The following PSIP1 variants were observed in gnomAD, a reference collection of about 807,000 sequenced individuals.
The protein encoded by PSIP1 is PC4 and SFRS1-interacting protein.
A neutral mutation model predicts 74.7 loss-of-function variants in PSIP1; 19 were observed. The observed-to-expected ratio is 0.25, with a 90% CI of 0.18 to 0.37. The LOEUF (loss-of-function observed/expected upper bound fraction) is 0.37, where lower values mean the gene tolerates loss of function less well. Ranked by LOEUF, PSIP1 falls within the 10% of genes least tolerant of loss-of-function variation. PSIP1 has a pLI of 1.00. For synonymous variants in PSIP1, 222 were observed against 195.3 expected (o/e 1.14, Z -1.14); for missense variants, 601 against 614.3 (o/e 0.98, Z 0.23).
intron 9 of PSIP1, 27 bp downstream of exon 9, chr9:15,473,982 G>A (rs1158137594): frequency 2.0e-6 from 3 of 1,479,762 alleles, no homozygotes; most frequent in East Asian, 2.3e-5. Context: ...GAATAGAACA[G>A]CCATTTTATA....
At chr9:15,478,335 C>T in intron 8 of PSIP1, 142 bp downstream of exon 8, 1 of 686,390 alleles carries the variant, frequency 1.5e-6, no homozygotes, top group Non-Finnish European at 2.4e-6. Context: ...AAAATTTTCC[C>T]AGTTTTTCCT....
intron 6 of PSIP1, among the ~76,000 whole-genome samples, chr9:15,483,165 A>C (rs1298462432): frequency 6.6e-6 from 1 of 152,164 alleles, no homozygotes; most frequent in Admixed American, 6.5e-5. Context: ...CAGAGACTGC[A>C]TCTGTAACTT....
At chr9:15,496,231 T>C (rs554248828) in intron 3 of PSIP1, among the ~76,000 whole-genome samples, 1 of 152,344 alleles carries the variant, frequency 6.6e-6, no homozygotes, top group South Asian at 2.1e-4. Flanking sequence ...ACCATGTTGT[T>C]AGTGGACTGT....
rs146580696 is a variant in PSIP1 at position 15,495,683 on chromosome 9, A to G, written c.150-5559T>C. 1.3e-3 allele frequency among the ~76,000 whole-genome samples: 191 copies of G among 152,308 alleles called. 1 individual carries two copies. The highest frequency in any genetic ancestry group is 4.3e-3 in the African/African-American group (179 of 41,572). The stretch of plus-strand genomic sequence containing the variant: ...CAAACTGTCATACTCCTAAGTTTAG[A>G]TCACATTCCAATATTTTATCCTTCA... On this transcript the variant is annotated intron_variant, in intron 3 of 15. Coordinates refer to ENST00000380733, the MANE Select transcript of PSIP1 (RefSeq NM_033222.5).
chr9:15,475,306 T>C (rs1313276753), intron 8 of PSIP1, among the ~76,000 whole-genome samples: 1 of 152,198 alleles, frequency 6.6e-6, no homozygotes, highest in African/African-American at 2.4e-5. Flanking sequence ...CAAGTGAAAC[T>C]ATTTGCTTTC....
intron 3 of PSIP1, among the ~76,000 whole-genome samples, chr9:15,497,652 T>C (rs927173962): frequency 6.6e-6 from 1 of 151,832 alleles, no homozygotes; most frequent in Non-Finnish European, 1.5e-5. Flanking sequence ...GTGCCCAGAA[T>C]AGGAAGAAAG....
intron 8 of PSIP1, among the ~76,000 whole-genome samples, chr9:15,476,064 C>T (rs1350972376): frequency 6.6e-6 from 1 of 152,060 alleles, no homozygotes; most frequent in African/African-American, 2.4e-5. Context: ...GGTGTTCTAA[C>T]GGTGAAGAGC....
intron 8 of PSIP1, among the ~76,000 whole-genome samples, chr9:15,474,607 A>G (rs1468978701): frequency 6.6e-6 from 1 of 152,182 alleles, no homozygotes; most frequent in African/African-American, 2.4e-5. Flanking sequence ...ATAAATATAT[A>G]GCCAATTAAG....
chr9:15,510,065 C>T, intron 2 of PSIP1, 52 bp downstream of exon 2: 1 of 1,521,096 alleles, frequency 6.6e-7, no homozygotes, highest in South Asian at 1.2e-5. Context: ...GGGCAGCAGG[C>T]CTCTGGAGAG....
chr9:15,467,966 C>G (rs2035701208), intron 14 of PSIP1, among the ~76,000 whole-genome samples: 1 of 151,226 alleles, frequency 6.6e-6, no homozygotes, highest in African/African-American at 2.5e-5. Context: ...ACTAAAAATA[C>G]AAAATTAGCT....
rs2035552150 is a variant in PSIP1, at chr9:15,465,446, A to G, written c.*74T>C. 5 of 1,313,874 alleles carry G rather than the reference A, an allele frequency of 3.8e-6. No individual in the cohort carries two copies. The highest frequency in any genetic ancestry group is 5.3e-6 in the Non-Finnish European group (5 of 939,716). The allele number at this position is 1,313,874 out of a possible 1,614,324, so 81.4% of individuals were successfully genotyped here. A position where few individuals can be genotyped will look rare whatever the true frequency, so the allele number is the denominator to read the frequency against. The stretch of plus-strand genomic sequence containing the variant: ...AAACCTATGCTTATAAAAATTTAAA[A>G]CTTTCAGCAGTCTATTTCAAATGAA... On this transcript the variant is annotated 3_prime_UTR_variant, in exon 16 of 16. Transcript: ENST00000380733.
At chr9:15,508,703 C>G (rs903938309) in intron 2 of PSIP1, among the ~76,000 whole-genome samples, 1 of 152,144 alleles carries the variant, frequency 6.6e-6, no homozygotes, top group Non-Finnish European at 1.5e-5. Flanking sequence ...ATCAGTTTCC[C>G]TAGGCTCCAT....
chr9:15,485,489 G>A (rs184060054), intron 6 of PSIP1, among the ~76,000 whole-genome samples: 45 of 152,166 alleles, frequency 3.0e-4, no homozygotes, highest in African/African-American at 9.9e-4. Context: ...GACATAAATA[G>A]GTCAGAAAAG....
chr9:15,499,621 C>G (rs978331363), intron 3 of PSIP1, among the ~76,000 whole-genome samples: 42 of 152,114 alleles, frequency 2.8e-4, no homozygotes, highest in African/African-American at 9.9e-4. Context: ...TGTCTGTAAT[C>G]CCAACACTTT....
chr9:15,474,210 T>G lies in PSIP1; in HGVS notation c.657A>C (p.Lys219Asn). ...DIITEEDKSK[K>N]KGQEEKQPKK... ...TAGGTTGTTTTTCCTCTTGCCCCTTTTTCTTACTTTTGTCCTCTTCAGTAA... is the reference window on the plus strand; with the variant it reads ...TAGGTTGTTTTTCCTCTTGCCCCTTGTTCTTACTTTTGTCCTCTTCAGTAA... The change falls in exon 9 of 16, where the codon AAA becomes AAC. Residue 219 changes from lysine to asparagine, a missense_variant. Transcript: ENST00000380733. The G allele has an allele frequency of 6.2e-7, 1 of 1,612,750 alleles. No homozygotes were observed. The highest frequency in any genetic ancestry group is 8.5e-7 in the Non-Finnish European group (1 of 1,179,724).
intron 6 of PSIP1, among the ~76,000 whole-genome samples, chr9:15,481,683 C>CA (rs148073692): frequency 0.074 from 11,203 of 151,344 alleles, 458 homozygotes; most frequent in East Asian, 0.2. Context: ...GACTCCGTCT[C>CA]AAAAAAAACA....
intron 6 of PSIP1, among the ~76,000 whole-genome samples, chr9:15,485,311 C>T (rs533334357): frequency 4.6e-5 from 7 of 152,130 alleles, no homozygotes; most frequent in Non-Finnish European, 7.4e-5. Flanking sequence ...CTCCTTCATC[C>T]GCCTGACAAA....
chr9:15,475,061 A>G (rs57908909), intron 8 of PSIP1, among the ~76,000 whole-genome samples: 1 of 152,112 alleles, frequency 6.6e-6, no homozygotes, highest in Non-Finnish European at 1.5e-5. Context: ...AACAAGCCCA[A>G]CATCTCAATT....
At chr9:15,469,462 G>A (rs1188206841) in intron 11 of PSIP1, 126 bp from the exon 12 acceptor site, 1 of 593,996 alleles carries the variant, frequency 1.7e-6, no homozygotes, top group Non-Finnish European at 2.9e-6. Flanking sequence ...TTACTAAGAA[G>A]CTCAAAGATA....
Sources: gnomAD v4.1 joint callset for allele counts (sites outside exome capture counted in the v4.1 genomes callset) on GRCh38, gnomAD v4.1.1 for gene constraint, MANE v1.5 for transcripts, NCBI Gene and HGNC (gene_info 2026-07-23, HGNC 2026-07-21) for gene names.